Variants in AKAP19 observed in about 807,000 individuals in gnomAD.
AKAP19 encodes the protein small A-kinase anchoring protein.
chr2:190,179,218 G>A, the AKAP19 span, among the ~76,000 whole-genome samples: 1 of 152,068 alleles, frequency 6.6e-6, no homozygotes, highest in Non-Finnish European at 1.5e-5. This position sits in a 1 kb window ranked among gnomAD's most constrained non-coding sequence, Gnocchi z 6.0. Context: ...GATCAGCCTG[G>A]CAAACATGGT....
chr2:189,976,681 C>T, the AKAP19 span, among the ~76,000 whole-genome samples: 7 of 152,154 alleles, frequency 4.6e-5, no homozygotes, highest in East Asian at 1.9e-4. Context: ...CAATGGCGGG[C>T]GCCCCTCCCC....
the AKAP19 span, among the ~76,000 whole-genome samples, chr2:190,192,452 C>CTGTGTCTGTGTGTGTG: frequency 4.8e-5 from 7 of 145,258 alleles, no homozygotes; most frequent in African/African-American, 1.8e-4. Flanking sequence ...AATTCAGAAT[C>CTGTGTCTGTGTGTGTG]TGTGTGTGTG....
At chr2:189,963,071 A>T in the AKAP19 span, among the ~76,000 whole-genome samples, 2 of 152,146 alleles carry the variant, frequency 1.3e-5, no homozygotes, top group Admixed American at 1.3e-4. Flanking sequence ...TGTTCATAGC[A>T]TCTTCACCAG....
At chr2:190,090,575 C>T in the AKAP19 span, among the ~76,000 whole-genome samples, 7 of 152,328 alleles carry the variant, frequency 4.6e-5, no homozygotes, top group African/African-American at 1.7e-4. Context: ...AAACAACCAC[C>T]TCAGTCTTGA....
chr2:189,996,826 G>A, the AKAP19 span, among the ~76,000 whole-genome samples: 1 of 152,224 alleles, frequency 6.6e-6, no homozygotes, highest in East Asian at 1.9e-4. Flanking sequence ...TAGGAATAGG[G>A]TTTCCTGAGA....
the AKAP19 span, among the ~76,000 whole-genome samples, chr2:189,926,357 C>T: frequency 5.3e-5 from 8 of 151,990 alleles, 1 homozygote; most frequent in Admixed American, 5.2e-4. Flanking sequence ...TGCAGTGGCG[C>T]GATCTAGGCT....
chr2:190,146,282 C>A, the AKAP19 span, among the ~76,000 whole-genome samples: 2 of 152,154 alleles, frequency 1.3e-5, no homozygotes, highest in Non-Finnish European at 2.9e-5. Context: ...TAATAGTCTC[C>A]AATCTTATCC....
chr2:189,990,893 T>C, the AKAP19 span, among the ~76,000 whole-genome samples: 26 of 152,218 alleles, frequency 1.7e-4, no homozygotes, highest in Admixed American at 1.4e-3. Context: ...CCAAAGCCCA[T>C]TATATCACTC....
chr2:190,150,061 C>T, the AKAP19 span, among the ~76,000 whole-genome samples: 7 of 152,142 alleles, frequency 4.6e-5, no homozygotes, highest in Non-Finnish European at 8.8e-5. Context: ...GTTTCACTCC[C>T]ACTGTGCCCC....
At chr2:190,136,632 C>A in the AKAP19 span, among the ~76,000 whole-genome samples, 28 of 152,144 alleles carry the variant, frequency 1.8e-4, no homozygotes, top group Non-Finnish European at 3.7e-4. Flanking sequence ...TATTCTCCCC[C>A]AAAGGTATGC....
chr2:190,010,259 AG>A, the AKAP19 span, among the ~76,000 whole-genome samples: 1 of 152,234 alleles, frequency 6.6e-6, no homozygotes, highest in Admixed American at 6.5e-5. Flanking sequence ...GGTAACAGGC[AG>A]GAAAGGAGAA....
chr2:190,115,048 A>G, the AKAP19 span, among the ~76,000 whole-genome samples: 1 of 148,236 alleles, frequency 6.7e-6, no homozygotes, highest in African/African-American at 2.5e-5. Flanking sequence ...AGCATAATCT[A>G]CTCCCTTGGT....
the AKAP19 span, among the ~76,000 whole-genome samples, chr2:189,971,679 A>G: frequency 6.6e-6 from 1 of 152,144 alleles, no homozygotes; most frequent in African/African-American, 2.4e-5. Flanking sequence ...CGTCATTCTA[A>G]CTGGTGTGAG....
At chr2:189,935,835 C>G in the AKAP19 span, among the ~76,000 whole-genome samples, 7 of 151,910 alleles carry the variant, frequency 4.6e-5, no homozygotes, top group Admixed American at 2.6e-4. Flanking sequence ...AAAATACATG[C>G]CAAGTAGGTT....
At chr2:190,157,629 A>AT in the AKAP19 span, among the ~76,000 whole-genome samples, 116 of 152,168 alleles carry the variant, frequency 7.6e-4, no homozygotes, top group Non-Finnish European at 1.4e-3. Flanking sequence ...TTACTTAACT[A>AT]TTTTTTTAAA....
At chr2:190,006,784 C>T in the AKAP19 span, among the ~76,000 whole-genome samples, 7 of 149,654 alleles carry the variant, frequency 4.7e-5, no homozygotes, top group Non-Finnish European at 8.9e-5. Context: ...TTTGGGAGGC[C>T]GAGGTAGGCA....
the AKAP19 span, among the ~76,000 whole-genome samples, chr2:190,151,538 T>C: frequency 6.6e-6 from 1 of 152,240 alleles, no homozygotes; most frequent in Admixed American, 6.5e-5. Context: ...AAGGACATGC[T>C]CTAGTTCCTT....
the AKAP19 span, among the ~76,000 whole-genome samples, chr2:190,082,220 T>G: frequency 2.0e-5 from 3 of 152,252 alleles, no homozygotes; most frequent in African/African-American, 7.2e-5. Context: ...GGCATGCATA[T>G]GTTTCTCCTT....
At chr2:190,192,106 C>A in the AKAP19 span, among the ~76,000 whole-genome samples, 2 of 151,808 alleles carry the variant, frequency 1.3e-5, no homozygotes, top group African/African-American at 4.8e-5. Flanking sequence ...AAACTATGAT[C>A]CCTTTTGAGT....
Sources: allele counts gnomAD v4.1 joint callset (sites outside exome capture counted in the v4.1 genomes callset), GRCh38; gene constraint gnomAD v4.1.1; non-coding constraint Gnocchi (gnomAD v3.1); transcripts MANE v1.5; gene names NCBI Gene and HGNC (gene_info 2026-07-23, HGNC 2026-07-21).